ERCC4: variants seen among roughly 807,000 people sequenced by gnomAD.
The protein encoded by ERCC4 is DNA repair endonuclease XPF.
In ERCC4, 65 loss-of-function variants were observed where a neutral mutation model predicts 76.9. The ratio of observed to expected loss-of-function variants is 0.84; its 90% confidence interval spans 0.69 to 1.04. The LOEUF (loss-of-function observed/expected upper bound fraction) is 1.04, where lower values mean the gene tolerates loss of function less well. Among genes scored for constraint, ERCC4 ranks in the 50% least tolerant of loss-of-function variants. The pLI, the probability that ERCC4 is intolerant of heterozygous loss-of-function variation, is 0.00. For missense variants in ERCC4, 1,214 were observed against 1,128.2 expected, an observed-to-expected ratio of 1.08 and a Z score of -1.09; for synonymous variants, 463 against 410.1, an observed-to-expected ratio of 1.13 and a Z score of -1.56.
intron 4 of ERCC4, 56 bp downstream of exon 4, chr16:13,928,291 G>T: frequency 8.0e-7 from 1 of 1,242,804 alleles, no homozygotes; most frequent in Non-Finnish European, 1.2e-6. Flanking sequence ...AAGAATGCAA[G>T]TTATTTTAAT....
At chr16:13,928,853 A>G (rs1343847991) in intron 4 of ERCC4, among the ~76,000 whole-genome samples, 2 of 152,170 alleles carry the variant, frequency 1.3e-5, no homozygotes. Context: ...GACCTTTTAG[A>G]AATTCTTGGC....
chr16:13,931,026 T>C, intron 5 of ERCC4, 136 bp downstream of exon 5: 1 of 695,240 alleles, frequency 1.4e-6, no homozygotes, highest in Non-Finnish European at 2.6e-6. Context: ...TTTATGTTCA[T>C]AGCACAAAGA....
intron 4 of ERCC4, among the ~76,000 whole-genome samples, chr16:13,930,075 T>C (rs1326977016): frequency 1.3e-5 from 2 of 152,240 alleles, no homozygotes; most frequent in African/African-American, 4.8e-5. Context: ...CAACAAATTA[T>C]GGTACGTTGT....
intron 2 of ERCC4, among the ~76,000 whole-genome samples, chr16:13,925,925 G>GTTAT (rs1356636722): frequency 6.6e-6 from 1 of 152,092 alleles, no homozygotes; most frequent in Non-Finnish European, 1.5e-5. Context: ...ATGCTGAGGT[G>GTTAT]TTATAATCAT....
chr16:13,928,809 C>T (rs988588973), intron 4 of ERCC4, among the ~76,000 whole-genome samples: 1 of 151,996 alleles, frequency 6.6e-6, no homozygotes, highest in South Asian at 2.1e-4. Context: ...GATACATAAA[C>T]GTCTAGTATT....
intron 2 of ERCC4, among the ~76,000 whole-genome samples, chr16:13,923,679 AGTT>A (rs1277875336): frequency 3.9e-5 from 6 of 152,144 alleles, no homozygotes; most frequent in African/African-American, 7.2e-5. Flanking sequence ...TGCTTCCTGA[AGTT>A]ATTATAAGGA....
rs2032578668 is a variant in ERCC4 at position 13,948,974 on chromosome 16, T to G, written c.*627T>G. ...TCCTGACCAGTTCTCTCTACCACATTTTCTTCAGCTCCATACTTCTGCCTG... is the reference window on the plus strand; with the variant it reads ...TCCTGACCAGTTCTCTCTACCACATGTTCTTCAGCTCCATACTTCTGCCTG... On this transcript the variant is annotated 3_prime_UTR_variant, in exon 11 of 11. Transcript: ENST00000311895. The G allele has an allele frequency of 8.6e-6, 2 of 232,752 alleles. No homozygotes were observed. Among genetic ancestry groups the G allele is most frequent in the East Asian group, 1.2e-4 (2 of 16,480 alleles). 14.4% of individuals were successfully genotyped at this position (232,752 alleles called of 1,614,324 possible). A position where few individuals can be genotyped will look rare whatever the true frequency, so the allele number is the denominator to read the frequency against.
chr16:13,920,245 T>G lies in ERCC4; in HGVS notation c.80T>G (p.Leu27Arg). The change falls in exon 1 of 11, where the codon CTC becomes CGC. Residue 27 changes from leucine (L) to arginine (R), a missense_variant. Coordinates refer to ENST00000311895, the MANE Select transcript of ERCC4 (RefSeq NM_005236.3). ...EYERQLVLEL[L>R]DTDGLVVCAR... The stretch of plus-strand genomic sequence containing the variant: ...GAGCGACAGCTGGTGCTGGAACTGC[T>G]CGACACTGACGGGCTAGTAGTGTGC... The G allele has an allele frequency of 6.2e-7, 1 of 1,607,868 alleles. No individual in the cohort carries two copies.
At position 13,932,179 on chromosome 16, in the gene ERCC4, C is replaced by T; in HGVS notation, c.996C>T (p.Ser332=). The change falls in exon 6 of 11, where the codon AGC becomes AGT. Residue 332 remains serine (S), a synonymous_variant. Transcript: ENST00000311895. The stretch of plus-strand genomic sequence containing the variant: ...TAGGTTGGCTGTTTCTTGACTCCAG[C>T]ACCTCGATGTTTATAAATGCTCGAG... ...QNSGWLFLDS[S]TSMFINARAR... 6.2e-7 allele frequency: 1 copy of T among 1,613,426 alleles called. No homozygotes were observed. The highest frequency in any genetic ancestry group is 1.1e-5 in the South Asian group (1 of 91,056).
chr16:13,941,888 C>T (rs914833498), intron 9 of ERCC4, among the ~76,000 whole-genome samples: 29 of 152,116 alleles, frequency 1.9e-4, no homozygotes, highest in Admixed American at 6.5e-5. Flanking sequence ...TGCTACTTTC[C>T]TATGTTGCCA....
chr16:13,946,523 A>G lies in ERCC4; in HGVS notation c.2018-1091A>G, dbSNP rs3136217. Among the ~76,000 whole-genome samples, 17 of 152,364 alleles carry G rather than the reference A, an allele frequency of 1.1e-4. No homozygotes were observed. The South Asian group carries it at 3.3e-3, about 30-fold the overall frequency. The stretch of plus-strand genomic sequence containing the variant: ...ATCACTGTCTTATATGCACTTTGTC[A>G]TTGACCAAAACGTTGTTGTACAGCA... On this transcript the variant is annotated intron_variant, in intron 10 of 10. Transcript: ENST00000311895.
chr16:13,936,069 C>G (rs2032285914), intron 8 of ERCC4, among the ~76,000 whole-genome samples: 1 of 152,122 alleles, frequency 6.6e-6, no homozygotes, highest in Non-Finnish European at 1.5e-5. Flanking sequence ...TAATTTCTAA[C>G]AAAAGTTAAT....
intron 2 of ERCC4, 36 bp downstream of exon 2, chr16:13,922,247 T>C (rs1281036181): frequency 2.1e-6 from 3 of 1,414,936 alleles, no homozygotes; most frequent in African/African-American, 1.4e-5. Context: ...GTATGTAAAT[T>C]TGTACTTTTT....
At chr16:13,937,959 A>G in intron 9 of ERCC4, 101 bp downstream of exon 9, 1 of 781,744 alleles carries the variant, frequency 1.3e-6, no homozygotes, top group Non-Finnish European at 2.2e-6. Flanking sequence ...GGCAAGGAAG[A>G]CGTTGGAGAG....
intron 8 of ERCC4, among the ~76,000 whole-genome samples, chr16:13,937,264 G>C (rs1193993584): frequency 6.6e-6 from 1 of 151,954 alleles, no homozygotes; most frequent in African/African-American, 2.4e-5. Flanking sequence ...TATTCTTTGA[G>C]ATGCCTGATG....
At position 13,926,553 on chromosome 16, in the gene ERCC4, C is replaced by G. The variant is rs1325456652; in HGVS notation, c.389-8C>G. On this transcript the variant is annotated splice_region_variant and splice_polypyrimidine_tract_variant and intron_variant, in intron 2 of 10. Transcript: ENST00000311895. The stretch of plus-strand genomic sequence containing the variant: ...TTCTGTAGTTTAAATTATGTTTCTC[C>G]CCCTCAGGCATCTTGGTGTATAGAG... 2 of 1,611,576 alleles carry G rather than the reference C, an allele frequency of 1.2e-6. No homozygotes were observed. The highest frequency in any genetic ancestry group is 1.7e-6 in the Non-Finnish European group (2 of 1,177,768).
chr16:13,928,020 C>A lies in ERCC4; in HGVS notation c.585-8C>A, dbSNP rs1390916102. On this transcript the variant is annotated splice_region_variant and splice_polypyrimidine_tract_variant and intron_variant, in intron 3 of 10. Coordinates refer to ENST00000311895, the MANE Select transcript of ERCC4 (RefSeq NM_005236.3). ...TAGAAAATTGTTGAAAAATATTTGT[C>A]TCTTTAGGTTCCATGTAGCAGTAAA... is the stretch of plus-strand genomic sequence containing the variant. 1.2e-6 allele frequency: 2 copies of A among 1,604,806 alleles called. No homozygotes were observed. Among genetic ancestry groups the A allele is most frequent in the South Asian group, 1.1e-5 (1 of 90,830 alleles).
Position 13,948,239 on chromosome 16 carries a change from A to G in ERCC4, c.2643A>G (p.Gln881=), listed in dbSNP as rs757841266. The change falls in exon 11 of 11, where the codon CAA becomes CAG. Residue 881 remains glutamine (Q), a synonymous_variant. Transcript: ENST00000311895. The part of the protein sequence containing the change: ...KNIAELAALS[Q]DELTSILGNA... Reference sequence around the variant, plus strand: ...TCGCAGAATTAGCAGCCCTGTCACAAGACGAGCTCACGAGTATTCTGGGGA... The same window carrying G: ...TCGCAGAATTAGCAGCCCTGTCACAGGACGAGCTCACGAGTATTCTGGGGA... The G allele has an allele frequency of 6.2e-7, 1 of 1,614,174 alleles. No individual in the cohort carries two copies. Among genetic ancestry groups the G allele is most frequent in the Non-Finnish European group, 8.5e-7 (1 of 1,180,028 alleles).
chr16:13,922,015 G>A lies in ERCC4; in HGVS notation c.208-16G>A, dbSNP rs749125796. 1 of 1,592,280 alleles carries A rather than the reference G, an allele frequency of 6.3e-7. No individual in the cohort carries two copies. The highest frequency in any genetic ancestry group is 1.1e-5 in the South Asian group (1 of 90,558). ...CTGTATTAAATAGCCTACTAATCAAGTTTGATTTGATTTAGGAGTATTTTA... is the reference window on the plus strand; with the variant it reads ...CTGTATTAAATAGCCTACTAATCAAATTTGATTTGATTTAGGAGTATTTTA... On this transcript the variant is annotated splice_polypyrimidine_tract_variant and intron_variant, in intron 1 of 10. Transcript: ENST00000311895.
Sources: gnomAD v4.1 joint callset for allele counts (sites outside exome capture counted in the v4.1 genomes callset) on GRCh38, gnomAD v4.1.1 for gene constraint, MANE v1.5 for transcripts, NCBI Gene and HGNC (gene_info 2026-07-23, HGNC 2026-07-21) for gene names.